The following EPS8 variants were observed in gnomAD, a reference collection of about 807,000 sequenced individuals.
EPS8 encodes the protein EGFR pathway substrate 8, signaling adaptor.
A neutral mutation model predicts 103.8 loss-of-function variants in EPS8; 42 were observed. That is an observed-to-expected ratio of 0.40 (90% CI 0.32 to 0.52). The LOEUF (loss-of-function observed/expected upper bound fraction) is 0.52. Among genes scored for constraint, EPS8 ranks in the 20% least tolerant of loss-of-function variants. The pLI is 0.40. For synonymous variants in EPS8, 344 were observed against 344.6 expected, an observed-to-expected ratio of 1.00 and a Z score of 0.02; for missense variants, 969 against 1,005.1, an observed-to-expected ratio of 0.96 and a Z score of 0.49.
chr12:15,680,332 T>C (rs1002006067), intron 3 of EPS8, among the ~76,000 whole-genome samples: 1 of 152,152 alleles, frequency 6.6e-6, no homozygotes, highest in Non-Finnish European at 1.5e-5. Context: ...GCACATAATA[T>C]CGATAATATC....
chr12:15,739,258 G>C (rs1398141643), intron 1 of EPS8, among the ~76,000 whole-genome samples: 1 of 152,214 alleles, frequency 6.6e-6, no homozygotes, highest in Non-Finnish European at 1.5e-5. Context: ...AGCCACATCT[G>C]TCAGACAGTA....
At position 15,762,260 on chromosome 12, in the gene EPS8, C is replaced by T. The variant is rs1947049625; in HGVS notation, c.-22+26901G>A. On this transcript the variant is annotated intron_variant, in intron 1 of 20. Transcript: ENST00000281172. The surrounding 1 kb of genome is among the most constrained non-coding windows in gnomAD (Gnocchi z 4.8). ...TATCATCTCATGCTAGTTAAGATGGCTTTTATCCAAAAGACAGACAATAAC... is the reference window on the plus strand; with the variant it reads ...TATCATCTCATGCTAGTTAAGATGGTTTTTATCCAAAAGACAGACAATAAC... 6.6e-6 allele frequency among the ~76,000 whole-genome samples: 1 copy of T among 152,026 alleles called. No individual in the cohort carries two copies. Among genetic ancestry groups the T allele is most frequent in the Non-Finnish European group, 1.5e-5 (1 of 67,986 alleles).
intron 8 of EPS8, among the ~76,000 whole-genome samples, chr12:15,664,338 C>T (rs1200457769): frequency 6.6e-6 from 1 of 151,270 alleles, no homozygotes; most frequent in African/African-American, 2.4e-5. Flanking sequence ...TTTGGTAGCT[C>T]GGCTTACATT....
intron 4 of EPS8, among the ~76,000 whole-genome samples, chr12:15,670,412 T>A (rs1945794913): frequency 6.6e-6 from 1 of 152,144 alleles, no homozygotes; most frequent in African/African-American, 2.4e-5. Context: ...TTTTCTATTA[T>A]AAGCACAGGT....
chr12:15,670,887 C>G lies in EPS8; in HGVS notation c.173G>C (p.Ser58Thr). Residue 58 changes from serine (S) to threonine (T), a missense_variant, in exon 4 of 21, where the codon AGT becomes ACT. By Grantham distance (58) the Ser-to-Thr change is moderately conservative (BLOSUM62 1). Transcript: ENST00000281172. The stretch of plus-strand genomic sequence containing the variant: ...ACGGTATTGAGATATATCTGACACA[C>G]TGCTGACACTGTCCCGTGCATAATT... Reference protein sequence around the residue: ...RKNYARDSVSSVSDISQYRVE... With the variant: ...RKNYARDSVSTVSDISQYRVE... 1 of 1,612,472 alleles carries G rather than the reference C, an allele frequency of 6.2e-7. No individual in the cohort carries two copies.
At position 15,759,221 on chromosome 12, in the gene EPS8, A is replaced by C. The variant is rs1173476344; in HGVS notation, c.-22+29940T>G. ...ATAATACACTAAAAATGCCTCAAAA[A>C]ACATGTTTTGATTAACTGACTAATT... On this transcript the variant is annotated intron_variant, in intron 1 of 20. Coordinates refer to ENST00000281172, the MANE Select transcript of EPS8 (RefSeq NM_004447.6). This position sits in a 1 kb window ranked among gnomAD's most constrained non-coding sequence, Gnocchi z 4.9. 1.3e-5 allele frequency among the ~76,000 whole-genome samples: 2 copies of C among 152,134 alleles called. No homozygotes were observed. Among genetic ancestry groups the C allele is most frequent in the Non-Finnish European group, 1.5e-5 (1 of 67,982 alleles).
intron 18 of EPS8, 123 bp from the exon 19 acceptor site, chr12:15,624,530 T>C: frequency 1.6e-6 from 1 of 632,588 alleles, no homozygotes; most frequent in Non-Finnish European, 2.6e-6. Flanking sequence ...TCCTACCATC[T>C]TTCCTCACTT....
Position 15,669,417 on chromosome 12 carries a change from A to T in EPS8, c.486T>A (p.Asp162Glu). The change falls in exon 6 of 21, where the codon GAT becomes GAA. Residue 162 changes from aspartate (D) to glutamate (E), a missense_variant. By Grantham distance (45) the Asp-to-Glu change is conservative (BLOSUM62 2). Coordinates refer to ENST00000281172, the MANE Select transcript of EPS8 (RefSeq NM_004447.6). Reference sequence around the variant, plus strand: ...CCTCATCACACTGGAAGAGATGAAGATCTGGCTTGTTCTGGGTTGGCTCTT... The same window carrying T: ...CCTCATCACACTGGAAGAGATGAAGTTCTGGCTTGTTCTGGGTTGGCTCTT... ...VCKEPTQNKP[D>E]LHLFQCDEVK... is the part of the protein sequence containing the mutation. The T allele has an allele frequency of 6.2e-7, 1 of 1,613,684 alleles. No individual in the cohort carries two copies. Among genetic ancestry groups the T allele is most frequent in the Non-Finnish European group, 8.5e-7 (1 of 1,179,882 alleles).
In EPS8 at chr12:15,698,347, T is replaced by A. The variant is rs1264490720; in HGVS notation, c.-21-15375A>T. On this transcript the variant is annotated intron_variant, in intron 1 of 20. Coordinates refer to ENST00000281172, the MANE Select transcript of EPS8 (RefSeq NM_004447.6). This position sits in a 1 kb window ranked among gnomAD's most constrained non-coding sequence, Gnocchi z 4.9. ...ACCAAGTAAGTTAAAACAGAAAAAA[T>A]TCAGCAGCTCTAGCTTCTAACGAGA... Among the ~76,000 whole-genome samples the A allele has an allele frequency of 6.6e-6, 1 of 151,870 alleles. No individual in the cohort carries two copies. The highest frequency in any genetic ancestry group is 2.4e-5 in the African/African-American group (1 of 41,334).
intron 1 of EPS8, among the ~76,000 whole-genome samples, chr12:15,708,005 C>T (rs1292582016): frequency 6.6e-6 from 1 of 152,162 alleles, no homozygotes; most frequent in East Asian, 1.9e-4. Context: ...ATTGCTCTGC[C>T]TATGATGATC....
chr12:15,627,896 C>G (rs1944975775), intron 18 of EPS8, among the ~76,000 whole-genome samples: 1 of 152,160 alleles, frequency 6.6e-6, no homozygotes, highest in Non-Finnish European at 1.5e-5. Flanking sequence ...TGACAATAAC[C>G]TGGTCACTTA....
At chr12:15,623,408 T>G in intron 19 of EPS8, 121 bp from the exon 20 acceptor site, 1 of 805,484 alleles carries the variant, frequency 1.2e-6, no homozygotes, top group Non-Finnish European at 1.9e-6. Flanking sequence ...CCTGGAACCC[T>G]TATTAAATGC....
rs192342913 is a variant in EPS8 at position 15,744,134 on chromosome 12, T to C, written c.-22+45027A>G. Among the ~76,000 whole-genome samples the C allele has an allele frequency of 1.8e-3, 269 of 152,276 alleles. 1 individual carries two copies. The highest frequency in any genetic ancestry group is 6.2e-3 in the African/African-American group (259 of 41,572). On this transcript the variant is annotated intron_variant, in intron 1 of 20. Transcript: ENST00000281172. The stretch of plus-strand genomic sequence containing the variant: ...ACTGACACTTCTCAAAAGAAGACAT[T>C]TATGCAGCCAACAGACACATGAAAA...
Position 15,693,494 on chromosome 12 carries a change from T to C in EPS8, c.-21-10522A>G, listed in dbSNP as rs529640253. 1.7e-4 allele frequency among the ~76,000 whole-genome samples: 26 copies of C among 152,274 alleles called. No homozygotes were observed. Among genetic ancestry groups the C allele is most frequent in the African/African-American group, 6.0e-4 (25 of 41,560 alleles). ...AGCCTCACTCTCACTGTTGAGTCAGTTGGAGGTTCTGAAATGAAAATAAGG... is the reference window on the plus strand; with the variant it reads ...AGCCTCACTCTCACTGTTGAGTCAGCTGGAGGTTCTGAAATGAAAATAAGG... On this transcript the variant is annotated intron_variant, in intron 1 of 20. Transcript: ENST00000281172. This position sits in a 1 kb window ranked among gnomAD's most constrained non-coding sequence, Gnocchi z 5.6.
chr12:15,697,233 A>T lies in EPS8; in HGVS notation c.-21-14261T>A, dbSNP rs1253355804. On this transcript the variant is annotated intron_variant, in intron 1 of 20. Coordinates refer to ENST00000281172, the MANE Select transcript of EPS8 (RefSeq NM_004447.6). The surrounding 1 kb of genome is among the most constrained non-coding windows in gnomAD (Gnocchi z 5.6). ...AAATGTCTAAATAACCCCCCAAATT[A>T]ACTCCAGCTCTTGATTAAATAAACT... 6.6e-6 allele frequency among the ~76,000 whole-genome samples: 1 copy of T among 152,248 alleles called. No individual in the cohort carries two copies. Among genetic ancestry groups the T allele is most frequent in the Non-Finnish European group, 1.5e-5 (1 of 68,038 alleles).
At position 15,690,513 on chromosome 12, in the gene EPS8, C is replaced by A. The variant is rs1473067092; in HGVS notation, c.-21-7541G>T. Reference sequence around the variant, plus strand: ...CTTCCTGCCTGCCATAATATTCTAACATTGATTGTTTTGATAAGGGAACAC... The same window carrying A: ...CTTCCTGCCTGCCATAATATTCTAAAATTGATTGTTTTGATAAGGGAACAC... On this transcript the variant is annotated intron_variant, in intron 1 of 20. Coordinates refer to ENST00000281172, the MANE Select transcript of EPS8 (RefSeq NM_004447.6). The surrounding 1 kb of genome is among the most constrained non-coding windows in gnomAD (Gnocchi z 4.7). Among the ~76,000 whole-genome samples, 3 of 152,126 alleles carry A rather than the reference C, an allele frequency of 2.0e-5. No homozygotes were observed. The East Asian group carries it at 5.8e-4, about 29-fold the overall frequency.
rs772256841 is a variant in EPS8, at chr12:15,779,927, T to C, written c.-22+9234A>G. The C allele has an allele frequency of 1.3e-5, 2 of 152,234 alleles. No individual in the cohort carries two copies. The highest frequency in any genetic ancestry group is 4.8e-5 in the African/African-American group (2 of 41,462). The allele number at this position is 152,234 out of a possible 1,614,324, so 9.4% of individuals were successfully genotyped here. A position where few individuals can be genotyped will look rare whatever the true frequency, so the allele number is the denominator to read the frequency against. On this transcript the variant is annotated intron_variant, in intron 1 of 20. Coordinates refer to ENST00000281172, the MANE Select transcript of EPS8 (RefSeq NM_004447.6). The surrounding 1 kb of genome is among the most constrained non-coding windows in gnomAD (Gnocchi z 4.3). ...TTAAACAGGACTAGATCTGGCTTCA[T>C]AGATTATTACATTCTTTTGTTGCTA... is the stretch of plus-strand genomic sequence containing the variant.
intron 12 of EPS8, 37 bp downstream of exon 12, chr12:15,658,042 C>T (rs992334883): frequency 4.6e-6 from 6 of 1,302,956 alleles, no homozygotes; most frequent in Non-Finnish European, 4.4e-6. Flanking sequence ...AAAAAATATA[C>T]TAAGAACGAT....
At position 15,713,108 on chromosome 12, in the gene EPS8, G is replaced by A. The variant is rs1946488749; in HGVS notation, c.-21-30136C>T. The A allele has an allele frequency of 1.0e-5, 5 of 501,502 alleles. No homozygotes were observed. In the East Asian group the frequency reaches 7.5e-4, roughly 75 times the overall value. The allele number at this position is 501,502 out of a possible 1,614,324, so 31.1% of individuals were successfully genotyped here. ...TACACTTCCAACTCTTGCCTAAGAT[G>A]ATTTTTTTTTTAAGTTTTAAATGGT... On this transcript the variant is annotated intron_variant, in intron 1 of 20. Coordinates refer to ENST00000281172, the MANE Select transcript of EPS8 (RefSeq NM_004447.6). The surrounding 1 kb of genome is among the most constrained non-coding windows in gnomAD (Gnocchi z 4.8).
Sources: allele counts gnomAD v4.1 joint callset (sites outside exome capture counted in the v4.1 genomes callset), GRCh38; gene constraint gnomAD v4.1.1; non-coding constraint Gnocchi (gnomAD v3.1); transcripts MANE v1.5; gene names NCBI Gene and HGNC (gene_info 2026-07-23, HGNC 2026-07-21).